LARGE1: variants seen among roughly 807,000 people sequenced by gnomAD.
LARGE1 encodes xylosyl- and glucuronyltransferase LARGE1.
LARGE1 carries 43 observed loss-of-function variants against 87.6 expected under a neutral mutation model. The observed-to-expected ratio is 0.49, with a 90% confidence interval of 0.38 to 0.63. The LOEUF is 0.63. LARGE1 is among the 30% of genes least tolerant of loss of function. LARGE1 has a pLI of 0.00. For synonymous variants in LARGE1, 434 were observed against 394.6 expected, an observed-to-expected ratio of 1.10 and a Z score of -1.18; for missense variants, 802 against 1,000.2, an observed-to-expected ratio of 0.80 and a Z score of 2.67.
chr22:33,346,174 C>T (rs372430737), intron 9 of LARGE1, among the ~76,000 whole-genome samples: 1 of 152,112 alleles, frequency 6.6e-6, no homozygotes, highest in African/African-American at 2.4e-5. Flanking sequence ...TGCTCTCCCC[C>T]TTGCTAGAAT....
At chr22:33,590,701 A>G (rs900426498) in intron 5 of LARGE1, among the ~76,000 whole-genome samples, 2 of 152,188 alleles carry the variant, frequency 1.3e-5, no homozygotes, top group Non-Finnish European at 2.9e-5. Context: ...GCATTGCTGT[A>G]TGTGCCGTCA....
At chr22:33,448,075 T>C (rs975233952) in intron 6 of LARGE1, among the ~76,000 whole-genome samples, 22 of 150,546 alleles carry the variant, frequency 1.5e-4, no homozygotes, top group Middle Eastern at 3.5e-3. Context: ...AGCAGATTAG[T>C]GGTCAATGGG....
intron 6 of LARGE1, among the ~76,000 whole-genome samples, chr22:33,559,293 T>TG (rs1160958772): frequency 2.0e-5 from 3 of 152,214 alleles, no homozygotes; most frequent in Non-Finnish European, 1.5e-5. Flanking sequence ...GTGATTCTAT[T>TG]GCCTCAGCCT....
intron 11 of LARGE1, among the ~76,000 whole-genome samples, chr22:33,237,829 T>C (rs1037865734): frequency 3.9e-5 from 6 of 152,226 alleles, no homozygotes; most frequent in Admixed American, 3.3e-4. Flanking sequence ...TAAGGAAATA[T>C]ATGACCAGAT....
chr22:33,842,221 G>C (rs2063300583), intron 1 of LARGE1, among the ~76,000 whole-genome samples: 1 of 152,132 alleles, frequency 6.6e-6, no homozygotes, highest in Non-Finnish European at 1.5e-5. Context: ...TATTTATTAA[G>C]TGCCTTCGAC....
At chr22:33,797,961 C>T (rs779822507) in intron 1 of LARGE1, among the ~76,000 whole-genome samples, 1 of 152,154 alleles carries the variant, frequency 6.6e-6, no homozygotes, top group African/African-American at 2.4e-5. Context: ...TAAATGCTAT[C>T]GTACCTACAC....
chr22:33,859,644 A>G (rs923216767), intron 1 of LARGE1, among the ~76,000 whole-genome samples: 4 of 152,200 alleles, frequency 2.6e-5, no homozygotes, highest in African/African-American at 9.6e-5. Context: ...GCTTAAATCC[A>G]GGTATGTTTT....
At chr22:33,597,337 A>G (rs1208848250) in intron 5 of LARGE1, among the ~76,000 whole-genome samples, 1 of 151,814 alleles carries the variant, frequency 6.6e-6, no homozygotes, top group Non-Finnish European at 1.5e-5. Flanking sequence ...CTAGAATCCT[A>G]TGATTTCATG....
chr22:33,884,187 C>T (rs1051509099), intron 1 of LARGE1, among the ~76,000 whole-genome samples: 13 of 152,222 alleles, frequency 8.5e-5, no homozygotes, highest in Non-Finnish European at 1.9e-4. Flanking sequence ...GGGCAGAAAC[C>T]AAGGCCATGC....
chr22:33,086,032 T>C, the LARGE1 span, among the ~76,000 whole-genome samples: 4,826 of 152,288 alleles, frequency 0.032, 195 homozygotes, highest in African/African-American at 0.09. Flanking sequence ...ACAACTTTTA[T>C]ATGTATATAC....
At chr22:33,476,412 G>A (rs564903033) in intron 6 of LARGE1, among the ~76,000 whole-genome samples, 3 of 152,200 alleles carry the variant, frequency 2.0e-5, no homozygotes, top group African/African-American at 7.2e-5. Context: ...TGGAAGCTCC[G>A]CCTACTACTT....
intron 11 of LARGE1, among the ~76,000 whole-genome samples, chr22:33,210,364 C>T (rs939746514): frequency 1.1e-4 from 16 of 152,176 alleles, no homozygotes; most frequent in African/African-American, 3.9e-4. Context: ...CTTAATGGTC[C>T]CATTCTCTGA....
At chr22:33,080,787 T>C in the LARGE1 span, among the ~76,000 whole-genome samples, 1 of 152,196 alleles carries the variant, frequency 6.6e-6, no homozygotes, top group Non-Finnish European at 1.5e-5. Flanking sequence ...CAGAGAATAC[T>C]CTTAACTGCT....
At chr22:33,106,621 GAGT>G in the LARGE1 span, among the ~76,000 whole-genome samples, 1 of 151,994 alleles carries the variant, frequency 6.6e-6, no homozygotes, top group South Asian at 2.1e-4. Context: ...TCAGCCTCCG[GAGT>G]AGCTGGGATT....
chr22:33,472,980 A>C (rs1198852315), intron 6 of LARGE1, among the ~76,000 whole-genome samples: 1 of 152,236 alleles, frequency 6.6e-6, no homozygotes, highest in African/African-American at 2.4e-5. Flanking sequence ...CCTGTCTTCT[A>C]GAGCACTGGG....
chr22:33,899,357 C>T (rs2065226610), intron 1 of LARGE1, among the ~76,000 whole-genome samples: 1 of 152,134 alleles, frequency 6.6e-6, no homozygotes, highest in African/African-American at 2.4e-5. Flanking sequence ...GCCTGTTGAG[C>T]GGCCTCTTGG....
intron 7 of LARGE1, among the ~76,000 whole-genome samples, chr22:33,392,815 CAT>C (rs1447859797): frequency 6.6e-6 from 1 of 152,184 alleles, no homozygotes; most frequent in Non-Finnish European, 1.5e-5. Flanking sequence ...CCTAGTAAAT[CAT>C]TTTTCTTTGT....
the LARGE1 span, among the ~76,000 whole-genome samples, chr22:33,142,664 A>G: frequency 5.0e-4 from 26 of 51,830 alleles, no homozygotes; most frequent in Non-Finnish European, 4.9e-5. Context: ...ATAAATACTC[A>G]GTTTTTGGTA....
chr22:33,374,895 G>A (rs1020068182), intron 9 of LARGE1, among the ~76,000 whole-genome samples: 1 of 152,044 alleles, frequency 6.6e-6, no homozygotes, highest in African/African-American at 2.4e-5. Context: ...TTTTAGCCAT[G>A]GCTATTCTAA....
Sources: gnomAD v4.1 joint callset for allele counts (sites outside exome capture counted in the v4.1 genomes callset) on GRCh38, gnomAD v4.1.1 for gene constraint, MANE v1.5 for transcripts, NCBI Gene and HGNC (gene_info 2026-07-23, HGNC 2026-07-21) for gene names.